PSMB8: variants seen among roughly 807,000 people sequenced by gnomAD.
PSMB8 encodes the protein proteasome subunit beta type-8.
PSMB8 carries 20 observed loss-of-function variants against 32.3 expected under a neutral mutation model. The observed-to-expected ratio is 0.62, with a 90% confidence interval of 0.44 to 0.90. The LOEUF (loss-of-function observed/expected upper bound fraction) is 0.90, where lower values mean the gene tolerates loss of function less well. Among genes scored for constraint, PSMB8 ranks in the 40% least tolerant of loss-of-function variants. PSMB8 has a pLI of 0.00. For missense variants in PSMB8, 342 were observed against 365.4 expected (o/e 0.94, Z 0.52); for synonymous variants, 131 against 135.4 (o/e 0.97, Z 0.23).
In PSMB8 at chr6:32,842,159, C is replaced by G. The variant is rs780191155; in HGVS notation, c.512G>C (p.Ser171Thr). The G allele has an allele frequency of 6.2e-7, 1 of 1,613,160 alleles. No homozygotes were observed. Among genetic ancestry groups the G allele is most frequent in the Admixed American group, 1.7e-5 (1 of 60,034 alleles). The change falls in exon 4 of 6, where the codon AGT (serine) becomes ACT (threonine). Residue 171 changes from serine (S) to threonine (T), a missense_variant. Ser to Thr is a moderately conservative substitution (Grantham distance 58, BLOSUM62 1). Coordinates refer to ENST00000374882, the MANE Select transcript of PSMB8 (RefSeq NM_148919.4). ...CTTCTTATCCCAGCCACAGATCATACTGCCCATAGAGAGGCCCATGCCCCG... is the reference window on the plus strand; with the variant it reads ...CTTCTTATCCCAGCCACAGATCATAGTGCCCATAGAGAGGCCCATGCCCCG... ...QYRGMGLSMG[S>T]MICGWDKKGP...
At position 32,843,897 on chromosome 6, in the gene PSMB8, T is replaced by C. The variant is rs558277593; in HGVS notation, c.100A>G (p.Ser34Gly). 24 of 1,612,702 alleles carry C rather than the reference T, an allele frequency of 1.5e-5. No homozygotes were observed. The highest frequency in any genetic ancestry group is 1.0e-5 in the Non-Finnish European group (12 of 1,179,946). Residue 34 changes from serine (S) to glycine (G), a missense_variant, in exon 1 of 6, where the codon AGT becomes GGT. Coordinates refer to ENST00000374882, the MANE Select transcript of PSMB8 (RefSeq NM_148919.4). The stretch of plus-strand genomic sequence containing the variant: ...AGCTCTGGAGATCGCATAGAGAAAC[T>C]GTAGTGTCCTGGGTCCGAGCGACGC... ...SGRRSDPGHY[S>G]FSMRSPELAL...
Position 32,842,716 on chromosome 6 carries a change from T to C in PSMB8, c.363A>G (p.Ala121=), listed in dbSNP as rs756349878. The C allele has an allele frequency of 6.2e-7, 1 of 1,614,140 alleles. No individual in the cohort carries two copies. Among genetic ancestry groups the C allele is most frequent in the African/African-American group, 1.3e-5 (1 of 74,944 alleles). ...PYLLGTMSGC[A]ADCQYWERLL... ...GGCGCTCCCAGTACTGACAGTCTGC[T>C]GCACAGCCAGACATGGTGCCAAGCA... Residue 121 remains alanine, a synonymous_variant, in exon 3 of 6, where the codon GCA becomes GCG. Coordinates refer to ENST00000374882, the MANE Select transcript of PSMB8 (RefSeq NM_148919.4).
chr6:32,843,888 T>C lies in PSMB8; in HGVS notation c.109A>G (p.Met37Val), dbSNP rs932301886. 3.1e-6 allele frequency: 5 copies of C among 1,612,698 alleles called. No homozygotes were observed. The highest frequency in any genetic ancestry group is 4.2e-6 in the Non-Finnish European group (5 of 1,179,974). The part of the protein sequence containing the change: ...RSDPGHYSFS[M>V]RSPELALPRG... ...GGTAAAGCGAGCTCTGGAGATCGCA[T>C]AGAGAAACTGTAGTGTCCTGGGTCC... Residue 37 changes from methionine to valine, a missense_variant, in exon 1 of 6, where the codon ATG becomes GTG. Physicochemically the swap from Met to Val is conservative, Grantham distance 21. Coordinates refer to ENST00000374882, the MANE Select transcript of PSMB8 (RefSeq NM_148919.4).
Position 32,841,645 on chromosome 6 carries a change from C to G in PSMB8, c.628G>C (p.Val210Leu), listed in dbSNP as rs1277207766. The change falls in exon 5 of 6, where the codon GTC becomes CTC. Residue 210 changes from valine (V) to leucine (L), a missense_variant. Physicochemically the swap from Val to Leu is conservative, Grantham distance 32. Coordinates refer to ENST00000374882, the MANE Select transcript of PSMB8 (RefSeq NM_148919.4). Reference sequence around the variant, plus strand: ...TTAGGCCGATAGCCACTGTCCATGACCCCGTAGGCATAAGTGTTCCCACTA... The same window carrying G: ...TTAGGCCGATAGCCACTGTCCATGAGCCCGTAGGCATAAGTGTTCCCACTA... ...TGSGNTYAYG[V>L]MDSGYRPNLS... 1 of 1,613,024 alleles carries G rather than the reference C, an allele frequency of 6.2e-7. No individual in the cohort carries two copies. The highest frequency in any genetic ancestry group is 1.1e-5 in the South Asian group (1 of 91,076).
chr6:32,843,273 G>A (rs1167752280), intron 1 of PSMB8, among the ~76,000 whole-genome samples, 184 bp from the exon 2 acceptor site: 1 of 152,202 alleles, frequency 6.6e-6, no homozygotes, highest in African/African-American at 2.4e-5. Context: ...GAAGAGGCAT[G>A]CCAGTATCAA....
intron 1 of PSMB8, 131 bp downstream of exon 1, chr6:32,843,719 G>T: frequency 9.0e-7 from 1 of 1,106,758 alleles, no homozygotes; most frequent in Non-Finnish European, 1.3e-6. Flanking sequence ...TGGGTCTGGC[G>T]CTCTCCGGGA....
upstream of PSMB8, chr6:32,844,165 G>T: frequency 6.6e-7 from 1 of 1,522,694 alleles, no homozygotes; most frequent in Non-Finnish European, 8.9e-7. Flanking sequence ...CGGCTTCTCT[G>T]CTCTCCCGTT....
chr6:32,844,322 G>T, upstream of PSMB8: 1 of 1,613,876 alleles, frequency 6.2e-7, no homozygotes, highest in Non-Finnish European at 8.5e-7. Context: ...GGGTAGGGTC[G>T]TGTCATCTAA....
upstream of PSMB8, chr6:32,844,507 T>G: frequency 6.7e-7 from 1 of 1,495,686 alleles, no homozygotes; most frequent in Non-Finnish European, 9.2e-7. Context: ...CCGCCGCGTG[T>G]AGGGGAAGGC....
upstream of PSMB8, chr6:32,844,431 A>C: frequency 6.2e-7 from 1 of 1,613,384 alleles, no homozygotes; most frequent in Non-Finnish European, 8.5e-7. Context: ...CAAAACCAGG[A>C]GGGACGGAAG....
At chr6:32,842,101 G>A (rs770322765) in intron 4 of PSMB8, 33 bp downstream of exon 4, 1 of 1,613,032 alleles carries the variant, frequency 6.2e-7, no homozygotes, top group East Asian at 2.2e-5. Context: ...TAGGGAACAT[G>A]GTGGGGGAAC....
Position 32,841,667 on chromosome 6 carries a change from A to G in PSMB8, c.606T>C (p.Ser202=), listed in dbSNP as rs1169424553. 6.2e-7 allele frequency: 1 copy of G among 1,612,810 alleles called. No homozygotes were observed. The highest frequency in any genetic ancestry group is 1.7e-5 in the Admixed American group (1 of 60,012). Residue 202 remains serine (S), a synonymous_variant, in exon 5 of 6, where the codon AGT becomes AGC. Coordinates refer to ENST00000374882, the MANE Select transcript of PSMB8 (RefSeq NM_148919.4). ...RLSGNMFSTG[S]GNTYAYGVMD... ...TGACCCCGTAGGCATAAGTGTTCCCACTACCCGTGGAGAACATATTTCCTG... is the reference window on the plus strand; with the variant it reads ...TGACCCCGTAGGCATAAGTGTTCCCGCTACCCGTGGAGAACATATTTCCTG...
chr6:32,841,782 G>A, intron 4 of PSMB8, 47 bp from the exon 5 acceptor site: 1 of 1,530,372 alleles, frequency 6.5e-7, no homozygotes, highest in Non-Finnish European at 9.0e-7. Context: ...GAAGATGTTG[G>A]TAACATGGGG....
At position 32,842,976 on chromosome 6, in the gene PSMB8, T is replaced by G; in HGVS notation, c.261A>C (p.Ala87=). 1.9e-6 allele frequency: 3 copies of G among 1,613,246 alleles called. No individual in the cohort carries two copies. Among genetic ancestry groups the G allele is most frequent in the Non-Finnish European group, 2.5e-6 (3 of 1,180,038 alleles). ...AFKFQHGVIA[A]VDSRASAGSY... is the part of the protein sequence containing the mutation. Reference sequence around the variant, plus strand: ...ACCCAGCTGAGGCCCGAGAATCCACTGCTGCAATCACTCCATGCTGGAACT... The same window carrying G: ...ACCCAGCTGAGGCCCGAGAATCCACGGCTGCAATCACTCCATGCTGGAACT... The change falls in exon 2 of 6, where the codon GCA becomes GCC. Residue 87 remains alanine, a synonymous_variant. Coordinates refer to ENST00000374882, the MANE Select transcript of PSMB8 (RefSeq NM_148919.4).
At chr6:32,844,210 C>G, upstream of PSMB8, 1 of 1,589,482 alleles carries the variant, frequency 6.3e-7, no homozygotes, top group Non-Finnish European at 8.6e-7. Flanking sequence ...CAAGGGTCTT[C>G]CGAAGAAAGC....
Position 32,843,919 on chromosome 6 carries a change from ACGCCCGCTTCC to A in PSMB8, c.67_77del (p.Gly23SerfsTer42). On this transcript the variant is annotated frameshift_variant, in exon 1 of 6. Transcript: ENST00000374882. LOFTEE classifies it high-confidence loss of function. ...AACTGTAGTGTCCTGGGTCCGAGCG[ACGCCCGCTTCC>A]CGCAACCGGGAGAGCCGATTCCGGC... is the stretch of plus-strand genomic sequence containing the variant. 1 of 1,611,998 alleles carries A rather than the reference ACGCCCGCTTCC, an allele frequency of 6.2e-7. No homozygotes were observed. The highest frequency in any genetic ancestry group is 8.5e-7 in the Non-Finnish European group (1 of 1,179,798).
Position 32,841,919 on chromosome 6 carries a change from C to T in PSMB8, c.538-184G>A, listed in dbSNP as rs554095203. 254 of 1,004,206 alleles carry T rather than the reference C, an allele frequency of 2.5e-4. 9 individuals carry two copies. In the South Asian group the frequency reaches 3.4e-3, roughly 13 times the overall value. 62.2% of individuals were successfully genotyped at this position (1,004,206 alleles called of 1,614,324 possible). Reference sequence around the variant, plus strand: ...GAAAAAGGAAAAACAAACTTGAAATCAACTGTTTAACAAAAGGGACAAGCT... The same window carrying T: ...GAAAAAGGAAAAACAAACTTGAAATTAACTGTTTAACAAAAGGGACAAGCT... On this transcript the variant is annotated intron_variant, in intron 4 of 5. Transcript: ENST00000374882.
chr6:32,843,031 A>C lies in PSMB8; in HGVS notation c.206T>G (p.Met69Arg), dbSNP rs765539235. ...GDGERNVQIE[M>R]AHGTTTLAFK... is the part of the protein sequence containing the mutation. ...GGCGAGCGTGGTGGTGCCATGGGCC[A>C]TCTCAATCTGAACGTTCCTTTCTCC... The change falls in exon 2 of 6, where the codon ATG becomes AGG. Residue 69 changes from methionine to arginine, a missense_variant. Physicochemically the swap from Met to Arg is moderately conservative, Grantham distance 91 (BLOSUM62 -1). Transcript: ENST00000374882. 6.8e-6 allele frequency: 11 copies of C among 1,612,992 alleles called. No homozygotes were observed. The African/African-American group carries it at 8.0e-5, about 12-fold the overall frequency.
chr6:32,841,912 T>C (rs1482338940), intron 4 of PSMB8, 177 bp from the exon 5 acceptor site: 1 of 1,012,248 alleles, frequency 9.9e-7, no homozygotes, highest in Non-Finnish European at 1.5e-6. Context: ...AAAAACAAAC[T>C]TGAAATCAAC....
Sources: gnomAD v4.1 joint callset for allele counts (sites outside exome capture counted in the v4.1 genomes callset) on GRCh38, gnomAD v4.1.1 for gene constraint, MANE v1.5 for transcripts, NCBI Gene and HGNC (gene_info 2026-07-23, HGNC 2026-07-21) for gene names.